SORCS3: variants seen among roughly 807,000 people sequenced by gnomAD.
SORCS3 encodes the protein sortilin related VPS10 domain containing receptor 3, also known as VPS10 domain-containing receptor SorCS3.
Under a neutral mutation model 146.3 loss-of-function variants are expected in SORCS3, and 57 were observed. The observed-to-expected ratio is 0.39, with a 90% CI of 0.31 to 0.49. The LOEUF is 0.49. Ranked by LOEUF, SORCS3 falls within the 20% of genes least tolerant of loss-of-function variation. SORCS3 has a pLI of 0.92. For synonymous variants in SORCS3, 653 were observed against 618.5 expected, an observed-to-expected ratio of 1.06 and a Z score of -0.83; for missense variants, 1,341 against 1,575.5, an observed-to-expected ratio of 0.85 and a Z score of 2.52.
At chr10:104,754,595 A>G (rs757160197) in intron 1 of SORCS3, among the ~76,000 whole-genome samples, 3 of 152,202 alleles carry the variant, frequency 2.0e-5, no homozygotes, top group Non-Finnish European at 4.4e-5. Context: ...ATACATTGAA[A>G]GATAGATAAG....
At chr10:104,722,772 G>A (rs963215274) in intron 1 of SORCS3, among the ~76,000 whole-genome samples, 1 of 152,204 alleles carries the variant, frequency 6.6e-6, no homozygotes, top group African/African-American at 2.4e-5. Flanking sequence ...GCATAGAGGT[G>A]TTTATAGTAT....
At chr10:104,676,036 T>G (rs575663409) in intron 1 of SORCS3, among the ~76,000 whole-genome samples, 1 of 152,228 alleles carries the variant, frequency 6.6e-6, no homozygotes, top group Non-Finnish European at 1.5e-5. Flanking sequence ...TTCAGTAGAT[T>G]TATTCCCAGG....
At position 105,139,415 on chromosome 10, in the gene SORCS3, G is replaced by A; in HGVS notation, c.1231G>A (p.Ala411Thr). 1 of 1,613,478 alleles carries A rather than the reference G, an allele frequency of 6.2e-7. No individual in the cohort carries two copies. The highest frequency in any genetic ancestry group is 8.5e-7 in the Non-Finnish European group (1 of 1,179,500). Residue 411 changes from alanine (A) to threonine (T), a missense_variant, in exon 8 of 27, where the codon GCC (alanine) becomes ACC (threonine). By Grantham distance (58) the Ala-to-Thr change is moderately conservative. Coordinates refer to ENST00000369701, the MANE Select transcript of SORCS3 (RefSeq NM_014978.3). ...IFIQVTTSGR[A>T]SYYVSYRREA... ...AATCTAGGTAACAACTAGTGGAAGAGCCAGCTACTACGTGTCTTATCGAAG... is the reference window on the plus strand; with the variant it reads ...AATCTAGGTAACAACTAGTGGAAGAACCAGCTACTACGTGTCTTATCGAAG...
At chr10:105,192,126 A>T (rs1221747949) in intron 14 of SORCS3, among the ~76,000 whole-genome samples, 1 of 152,194 alleles carries the variant, frequency 6.6e-6, no homozygotes, top group African/African-American at 2.4e-5. Context: ...CTTTGAAAAG[A>T]AAAAGGAAGA....
intron 1 of SORCS3, among the ~76,000 whole-genome samples, chr10:104,726,297 C>T (rs547540240): frequency 6.6e-6 from 1 of 152,332 alleles, no homozygotes. Context: ...CTGGTCTTGT[C>T]TTGTCCTGAG....
chr10:105,212,255 G>T (rs1205300370), intron 17 of SORCS3, among the ~76,000 whole-genome samples: 1 of 152,190 alleles, frequency 6.6e-6, no homozygotes, highest in Non-Finnish European at 1.5e-5. Context: ...TTCTGGGAGG[G>T]CTATTCCTGG....
intron 2 of SORCS3, among the ~76,000 whole-genome samples, chr10:104,888,224 A>T (rs1004087548): frequency 1.3e-5 from 2 of 152,236 alleles, no homozygotes; most frequent in Non-Finnish European, 2.9e-5. Flanking sequence ...TTACTCTTTT[A>T]TTCCCCTGCT....
chr10:105,251,042 C>G (rs2056894950), intron 22 of SORCS3, among the ~76,000 whole-genome samples: 1 of 152,132 alleles, frequency 6.6e-6, no homozygotes, highest in Non-Finnish European at 1.5e-5. Flanking sequence ...CAGTGAGACC[C>G]CAGACAGAAA....
chr10:105,160,900 C>G (rs1403671964), intron 11 of SORCS3, among the ~76,000 whole-genome samples: 3 of 152,092 alleles, frequency 2.0e-5, no homozygotes, highest in Non-Finnish European at 4.4e-5. Context: ...AAACTCTGAG[C>G]TTCATTTTTC....
intron 8 of SORCS3, 44 bp from the exon 9 acceptor site, chr10:105,147,573 G>C: frequency 6.5e-7 from 1 of 1,546,584 alleles, no homozygotes; most frequent in African/African-American, 1.4e-5. Flanking sequence ...TGGGCAGAGA[G>C]ATATGGAGAT....
intron 1 of SORCS3, among the ~76,000 whole-genome samples, chr10:104,776,277 A>G (rs1247698552): frequency 6.6e-6 from 1 of 152,124 alleles, no homozygotes; most frequent in Admixed American, 6.5e-5. Context: ...TGAGCTATTT[A>G]CTAACATCTC....
intron 1 of SORCS3, among the ~76,000 whole-genome samples, chr10:104,771,780 G>T (rs1210285738): frequency 6.6e-6 from 1 of 151,670 alleles, no homozygotes; most frequent in Non-Finnish European, 1.5e-5. Context: ...GGTGCTGGTT[G>T]ACCCCTTCAA....
At chr10:105,164,219 A>G in intron 11 of SORCS3, 84 bp from the exon 12 acceptor site, 2 of 990,550 alleles carry the variant, frequency 2.0e-6, no homozygotes, top group Admixed American at 1.8e-5. Flanking sequence ...GAAAACCTTT[A>G]CTCTCTGCTC....
chr10:104,776,945 A>G (rs1439231404), intron 1 of SORCS3, among the ~76,000 whole-genome samples: 1 of 149,226 alleles, frequency 6.7e-6, no homozygotes, highest in Non-Finnish European at 1.5e-5. Context: ...GCAGACAGGC[A>G]GAGAGAACAA....
intron 20 of SORCS3, among the ~76,000 whole-genome samples, chr10:105,243,807 A>G (rs998659496): frequency 2.0e-5 from 3 of 152,228 alleles, no homozygotes; most frequent in Non-Finnish European, 2.9e-5. Flanking sequence ...TTAAAGCAGA[A>G]GAAATTAAAT....
chr10:105,086,350 A>T (rs1221377385), intron 5 of SORCS3, among the ~76,000 whole-genome samples: 1 of 152,198 alleles, frequency 6.6e-6, no homozygotes, highest in Non-Finnish European at 1.5e-5. Context: ...GCCAAGAGCA[A>T]CTCAAGAGAA....
chr10:105,194,306 T>C (rs910326792), intron 14 of SORCS3, among the ~76,000 whole-genome samples: 1 of 152,200 alleles, frequency 6.6e-6, no homozygotes, highest in Non-Finnish European at 1.5e-5. Context: ...GAGAAAGTCC[T>C]TGGGTGAGTC....
chr10:104,699,447 A>G (rs1172841049), intron 1 of SORCS3, among the ~76,000 whole-genome samples: 2 of 152,186 alleles, frequency 1.3e-5, no homozygotes, highest in African/African-American at 4.8e-5. Context: ...ACTTTGGGCT[A>G]AGATATCTAG....
intron 1 of SORCS3, among the ~76,000 whole-genome samples, chr10:104,813,377 A>C (rs1383950728): frequency 6.6e-6 from 1 of 152,138 alleles, no homozygotes; most frequent in Non-Finnish European, 1.5e-5. Flanking sequence ...TGTTTAGTTT[A>C]CAAGACTCAG....
Sources: allele counts gnomAD v4.1 joint callset (sites outside exome capture counted in the v4.1 genomes callset), GRCh38; gene constraint gnomAD v4.1.1; transcripts MANE v1.5; gene names NCBI Gene and HGNC (gene_info 2026-07-23, HGNC 2026-07-21).